PCNX2: variants seen among roughly 807,000 people sequenced by gnomAD.
The protein encoded by PCNX2 is pecanex 2, also known as pecanex-like protein 2.
Under a neutral mutation model 223.8 loss-of-function variants are expected in PCNX2, and 168 were observed. That is an observed-to-expected ratio of 0.75 (90% confidence interval 0.66 to 0.85). PCNX2 has a LOEUF of 0.85. PCNX2 is among the 40% of genes least tolerant of loss of function. The pLI is 0.00. For synonymous variants in PCNX2, 1,006 were observed against 1,052.6 expected, an observed-to-expected ratio of 0.96 and a Z score of 0.86; for missense variants, 2,507 against 2,675.5, an observed-to-expected ratio of 0.94 and a Z score of 1.39.
intron 19 of PCNX2, among the ~76,000 whole-genome samples, chr1:233,151,013 A>G (rs1309912998): frequency 6.6e-6 from 1 of 151,402 alleles, no homozygotes; most frequent in African/African-American, 2.4e-5. Context: ...CTGTGGCCAC[A>G]GGGTAGACAG....
chr1:233,240,616 T>C (rs1336365055), intron 8 of PCNX2, among the ~76,000 whole-genome samples: 1 of 152,222 alleles, frequency 6.6e-6, no homozygotes, highest in Non-Finnish European at 1.5e-5. Flanking sequence ...TTCAGGGCTA[T>C]AGCAGAGATA....
chr1:233,185,084 A>AACACACAC lies in PCNX2; in HGVS notation c.3067-5917_3067-5910dup, dbSNP rs60719299. On this transcript the variant is annotated intron_variant, in intron 15 of 33. Coordinates refer to ENST00000258229, the MANE Select transcript of PCNX2 (RefSeq NM_014801.4). ...ACTAATGCAGATGTATACATACATA[A>AACACACAC]ACACACACACACACACACACACACA... Among the ~76,000 whole-genome samples, 288 of 141,814 alleles carry AACACACAC rather than the reference A, an allele frequency of 2.0e-3. 3 individuals are homozygous for AACACACAC. The highest frequency in any genetic ancestry group is 6.6e-3 in the African/African-American group (249 of 37,810). 93.0% of individuals were successfully genotyped at this position (141,814 alleles called of 152,430 possible). A position where few individuals can be genotyped will look rare whatever the true frequency, so the allele number is the denominator to read the frequency against.
chr1:233,104,585 A>G, intron 21 of PCNX2, among the ~76,000 whole-genome samples: 1 of 152,154 alleles, frequency 6.6e-6, no homozygotes, highest in South Asian at 2.1e-4. Flanking sequence ...CTTTTAAGAT[A>G]CCTAGCTCAG....
chr1:233,191,807 C>T (rs927160181), intron 15 of PCNX2, among the ~76,000 whole-genome samples: 5 of 152,182 alleles, frequency 3.3e-5, no homozygotes, highest in Non-Finnish European at 5.9e-5. Flanking sequence ...TGGCCTTGCA[C>T]GTCTGTGGAT....
chr1:233,217,504 A>G (rs1244070647), intron 12 of PCNX2, among the ~76,000 whole-genome samples: 1 of 152,202 alleles, frequency 6.6e-6, no homozygotes, highest in African/African-American at 2.4e-5. Flanking sequence ...CACATAGGGA[A>G]ACTGAGGCAT....
intron 19 of PCNX2, among the ~76,000 whole-genome samples, chr1:233,142,199 T>C (rs1300378853): frequency 6.6e-6 from 1 of 152,170 alleles, no homozygotes; most frequent in Non-Finnish European, 1.5e-5. Flanking sequence ...TACATATAGA[T>C]TAAAGGATTT....
intron 19 of PCNX2, among the ~76,000 whole-genome samples, chr1:233,153,904 T>G (rs1677963122): frequency 6.6e-6 from 1 of 152,186 alleles, no homozygotes; most frequent in Non-Finnish European, 1.5e-5. Flanking sequence ...CTCAGAATCA[T>G]GTGCATCACA....
chr1:233,092,450 A>C (rs1673919022), intron 22 of PCNX2, among the ~76,000 whole-genome samples: 3 of 152,242 alleles, frequency 2.0e-5, no homozygotes, highest in Non-Finnish European at 4.4e-5. Context: ...ACAATTATCC[A>C]AAATTTAAGA....
At chr1:233,272,643 G>C (rs113581745) in intron 1 of PCNX2, among the ~76,000 whole-genome samples, 3,764 of 152,270 alleles carry the variant, frequency 0.025, 160 homozygotes, top group African/African-American at 0.086. Flanking sequence ...CCACTACTGG[G>C]TATCTAGCCA....
chr1:233,139,649 G>A lies in PCNX2; in HGVS notation c.3659+65C>T. ...TGGCTTCTTCTGCAGATTGTTTACA[G>A]AAAATTCACTCGATTTTGAAAATGT... On this transcript the variant is annotated intron_variant, in intron 20 of 33. Transcript: ENST00000258229. This position sits in a 1 kb window ranked among gnomAD's most constrained non-coding sequence, Gnocchi z 4.4. 6.6e-7 allele frequency: 1 copy of A among 1,510,976 alleles called. No individual in the cohort carries two copies. Among genetic ancestry groups the A allele is most frequent in the Admixed American group, 2.1e-5 (1 of 47,074 alleles). 93.6% of individuals were successfully genotyped at this position (1,510,976 alleles called of 1,614,324 possible). A position where few individuals can be genotyped will look rare whatever the true frequency, so the allele number is the denominator to read the frequency against.
chr1:233,316,671 T>C, the PCNX2 span, among the ~76,000 whole-genome samples: 1 of 152,208 alleles, frequency 6.6e-6, no homozygotes, highest in African/African-American at 2.4e-5. Context: ...TCACTTAAAC[T>C]TTCTCCAGAT....
chr1:233,133,196 G>A (rs1283420821), intron 21 of PCNX2, among the ~76,000 whole-genome samples: 3 of 152,128 alleles, frequency 2.0e-5, no homozygotes, highest in Non-Finnish European at 4.4e-5. Context: ...ACTGTGCCAG[G>A]CCACATTTTA....
chr1:232,992,663 T>C (rs1361482717), intron 32 of PCNX2, among the ~76,000 whole-genome samples: 1 of 152,182 alleles, frequency 6.6e-6, no homozygotes, highest in African/African-American at 2.4e-5. Flanking sequence ...TGGGTGACAC[T>C]GGGCAGTGAC....
intron 15 of PCNX2, among the ~76,000 whole-genome samples, chr1:233,183,397 C>T (rs759353466): frequency 3.0e-4 from 46 of 152,158 alleles, no homozygotes; most frequent in Non-Finnish European, 6.2e-4. Context: ...GCGAGAATGA[C>T]TACAAGGTTT....
chr1:233,265,223 G>A (rs1330849467), intron 1 of PCNX2, among the ~76,000 whole-genome samples: 1 of 144,856 alleles, frequency 6.9e-6, no homozygotes, highest in Non-Finnish European at 1.5e-5. Context: ...TCCTGCCTGT[G>A]CTACCAAGTG....
chr1:233,130,550 T>C (rs1364264297), intron 21 of PCNX2, among the ~76,000 whole-genome samples: 2 of 151,090 alleles, frequency 1.3e-5, no homozygotes, highest in Non-Finnish European at 2.9e-5. Context: ...AGTGGCGCAA[T>C]CTCGGCTCAC....
chr1:233,255,020 C>T (rs1179346348), intron 5 of PCNX2, among the ~76,000 whole-genome samples: 1 of 152,082 alleles, frequency 6.6e-6, no homozygotes, highest in African/African-American at 2.4e-5. Context: ...TATTCATAAA[C>T]GTAGAACTCT....
At position 233,095,859 on chromosome 1, in the gene PCNX2, C is replaced by T. The variant is rs1260423772; in HGVS notation, c.3842G>A (p.Gly1281Glu). ...GAACTGTAACTTGTGAAGCAGGTCCCCGAGCTGAAAGTAAAAGAAAAAAAA... is the reference window on the plus strand; with the variant it reads ...GAACTGTAACTTGTGAAGCAGGTCCTCGAGCTGAAAGTAAAAGAAAAAAAA... ...FMVSILFSKL[G>E]DLLHKLQFVL... is the part of the protein sequence containing the mutation. Residue 1281 changes from glycine to glutamate, a missense_variant, in exon 22 of 34, where the codon GGG becomes GAG. Gly to Glu is a moderately conservative substitution (Grantham distance 98). Around this residue, in one of 3 missense-constraint regions of PCNX2, gnomAD observed 1,372 missense variants for 1,509.4 expected, o/e 0.91. Transcript: ENST00000258229. The T allele has an allele frequency of 1.9e-5, 31 of 1,605,782 alleles. No individual in the cohort carries two copies. Among genetic ancestry groups the T allele is most frequent in the Non-Finnish European group, 2.6e-5 (31 of 1,175,736 alleles).
intron 23 of PCNX2, among the ~76,000 whole-genome samples, chr1:233,081,820 C>T (rs1246639651): frequency 6.6e-6 from 1 of 152,196 alleles, no homozygotes; most frequent in Non-Finnish European, 1.5e-5. Context: ...CAGCTGCTTT[C>T]CTTTCCAGAC....
Sources: allele counts gnomAD v4.1 joint callset (sites outside exome capture counted in the v4.1 genomes callset), GRCh38; gene constraint gnomAD v4.1.1; regional missense constraint gnomAD v4.1.1; non-coding constraint Gnocchi (gnomAD v3.1); transcripts MANE v1.5; gene names NCBI Gene and HGNC (gene_info 2026-07-23, HGNC 2026-07-21).